Variants in REDIC1 observed in about 807,000 individuals in gnomAD.
REDIC1 encodes HEI10 Interacting Protein 1.
At chr12:39,768,679 C>T in the REDIC1 span, among the ~76,000 whole-genome samples, 9 of 152,010 alleles carry the variant, frequency 5.9e-5, no homozygotes, top group African/African-American at 1.9e-4. Context: ...ACGTCTTATA[C>T]GGGTGCAGTT....
At chr12:39,705,128 G>T in the REDIC1 span, among the ~76,000 whole-genome samples, 3 of 151,460 alleles carry the variant, frequency 2.0e-5, no homozygotes, top group African/African-American at 7.3e-5. Flanking sequence ...AGATGAAAAA[G>T]GAACATAATA....
the REDIC1 span, among the ~76,000 whole-genome samples, chr12:39,640,381 A>C: frequency 3.3e-5 from 5 of 151,896 alleles, no homozygotes; most frequent in Non-Finnish European, 5.9e-5. Flanking sequence ...GTGAGGAATA[A>C]ATTTCTCTTC....
the REDIC1 span, among the ~76,000 whole-genome samples, chr12:39,847,154 T>C: frequency 1.3e-5 from 2 of 152,194 alleles, no homozygotes; most frequent in African/African-American, 2.4e-5. Flanking sequence ...ATCGTGAAAG[T>C]AGGTGAATCC....
At chr12:39,822,822 A>G in the REDIC1 span, among the ~76,000 whole-genome samples, 1 of 152,252 alleles carries the variant, frequency 6.6e-6, no homozygotes, top group Non-Finnish European at 1.5e-5. Context: ...AGTTAAATAT[A>G]TTATGAATAT....
the REDIC1 span, among the ~76,000 whole-genome samples, chr12:39,728,549 G>A: frequency 3.3e-5 from 5 of 151,884 alleles, no homozygotes; most frequent in Admixed American, 6.6e-5. Flanking sequence ...TTGGTTTGCC[G>A]GTATTTAATG....
At chr12:39,899,317 T>C in the REDIC1 span, among the ~76,000 whole-genome samples, 18 of 152,260 alleles carry the variant, frequency 1.2e-4, no homozygotes, top group African/African-American at 4.1e-4. Context: ...TCTGTGGGAT[T>C]GGTGGTGATA....
At chr12:39,713,144 G>T in the REDIC1 span, among the ~76,000 whole-genome samples, 112,608 of 141,150 alleles carry the variant, frequency 0.8, 45,939 homozygotes, top group Non-Finnish European at 0.87. Flanking sequence ...TATATATGTA[G>T]ATATGTGCAT....
At chr12:39,907,736 A>G in the REDIC1 span, 2 of 151,826 alleles carry the variant, frequency 1.3e-5, no homozygotes, top group Non-Finnish European at 2.9e-5. Flanking sequence ...GAAGCTGTAA[A>G]TGTCTGGAAA....
At chr12:39,896,514 GTGTATACA>G in the REDIC1 span, among the ~76,000 whole-genome samples, 1,716 of 140,184 alleles carry the variant, frequency 0.012, 86 homozygotes, top group Admixed American at 0.044. Context: ...ATGTACATGT[GTGTATACA>G]TGTATACATG....
chr12:39,635,992 G>A, the REDIC1 span, among the ~76,000 whole-genome samples: 1 of 152,052 alleles, frequency 6.6e-6, no homozygotes, highest in African/African-American at 2.4e-5. Context: ...TATGTTAAAT[G>A]TTTCAAGACT....
chr12:39,765,392 C>T, the REDIC1 span, among the ~76,000 whole-genome samples: 5 of 152,086 alleles, frequency 3.3e-5, no homozygotes, highest in Non-Finnish European at 5.9e-5. Context: ...CTACCAGTCA[C>T]TCCCTGATGA....
the REDIC1 span, among the ~76,000 whole-genome samples, chr12:39,768,886 A>G: frequency 6.6e-6 from 1 of 152,104 alleles, no homozygotes; most frequent in South Asian, 2.1e-4. Context: ...TCGGTTTGTA[A>G]AACAAAATGC....
At chr12:39,831,690 C>A in the REDIC1 span, among the ~76,000 whole-genome samples, 3 of 152,074 alleles carry the variant, frequency 2.0e-5, no homozygotes, top group Non-Finnish European at 2.9e-5. Context: ...TGGTTTAGTG[C>A]CATCCCCTTG....
chr12:39,691,745 C>T, the REDIC1 span, among the ~76,000 whole-genome samples: 2 of 152,158 alleles, frequency 1.3e-5, no homozygotes, highest in East Asian at 3.9e-4. Flanking sequence ...TTCCAAATTG[C>T]CTTAATATGT....
chr12:39,827,896 G>T, the REDIC1 span, among the ~76,000 whole-genome samples: 1 of 151,990 alleles, frequency 6.6e-6, no homozygotes, highest in Non-Finnish European at 1.5e-5. Flanking sequence ...TCAGGAAACA[G>T]CTACAGTTAG....
chr12:39,671,589 G>A, the REDIC1 span, among the ~76,000 whole-genome samples: 1 of 152,166 alleles, frequency 6.6e-6, no homozygotes, highest in African/African-American at 2.4e-5. Context: ...TACAGTGTAT[G>A]TGGTGTGGGT....
chr12:39,824,799 G>A, the REDIC1 span, among the ~76,000 whole-genome samples: 5 of 151,910 alleles, frequency 3.3e-5, no homozygotes, highest in African/African-American at 1.2e-4. Context: ...TGTTTTCTGG[G>A]GCTTATCACA....
chr12:39,884,649 G>C, the REDIC1 span, among the ~76,000 whole-genome samples: 2 of 152,234 alleles, frequency 1.3e-5, no homozygotes, highest in East Asian at 3.9e-4. Flanking sequence ...TAACACTGAG[G>C]GTGACCGCCA....
chr12:39,690,724 T>C, the REDIC1 span, among the ~76,000 whole-genome samples: 1 of 152,110 alleles, frequency 6.6e-6, no homozygotes, highest in African/African-American at 2.4e-5. Context: ...TATATACTAT[T>C]GGAGCAAAGA....
Sources: gnomAD v4.1 joint callset for allele counts (sites outside exome capture counted in the v4.1 genomes callset) on GRCh38, gnomAD v4.1.1 for gene constraint, MANE v1.5 for transcripts, NCBI Gene and HGNC (gene_info 2026-07-23, HGNC 2026-07-21) for gene names.